The following NFIB variants were observed in gnomAD, a reference collection of about 807,000 sequenced individuals.
NFIB encodes nuclear factor 1 B-type.
Under a neutral mutation model 61.5 loss-of-function variants are expected in NFIB, and 11 were observed. The observed-to-expected ratio is 0.18, with a 90% CI of 0.11 to 0.30. The LOEUF is 0.30. Among genes scored for constraint, NFIB ranks in the 10% least tolerant of loss-of-function variants. The probability of loss-of-function intolerance (pLI) is 1.00; values close to 1 mark genes in which losing one functional copy is unlikely to be tolerated. For missense variants in NFIB, 471 were observed against 608.9 expected (o/e 0.77, Z 2.38); for synonymous variants, 260 against 216.5 (o/e 1.20, Z -1.76).
At chr9:14,471,407 T>G in the NFIB span, among the ~76,000 whole-genome samples, 38 of 152,332 alleles carry the variant, frequency 2.5e-4, no homozygotes, top group African/African-American at 8.4e-4. Context: ...GTGTACCACA[T>G]GTGGAATGCC....
upstream of NFIB, among the ~76,000 whole-genome samples, chr9:14,399,590 T>C (rs1018289505): frequency 3.9e-5 from 6 of 152,318 alleles, no homozygotes; most frequent in South Asian, 4.1e-4. Context: ...TAAATAATGA[T>C]TGATTTTGTC....
intron 1 of NFIB, among the ~76,000 whole-genome samples, chr9:14,382,105 AG>A (rs778359282): frequency 1.3e-5 from 2 of 152,176 alleles, no homozygotes; most frequent in Non-Finnish European, 2.9e-5. Flanking sequence ...AAGGTCCCTG[AG>A]GGCAGACAAA....
chr9:14,110,397 T>A (rs529152241), intron 10 of NFIB, among the ~76,000 whole-genome samples: 3 of 152,216 alleles, frequency 2.0e-5, no homozygotes, highest in African/African-American at 7.2e-5. Context: ...GGATCATGTA[T>A]ATTAAAGGCT....
intron 3 of NFIB, among the ~76,000 whole-genome samples, chr9:14,159,598 T>C (rs775245368): frequency 2.0e-4 from 30 of 152,180 alleles, no homozygotes; most frequent in Non-Finnish European, 3.4e-4. Flanking sequence ...ATAGCCTTTG[T>C]AACGGACAGG....
Position 14,182,806 on chromosome 9 carries a change from A to G in NFIB, c.563-3026T>C, listed in dbSNP as rs188915894. On this transcript the variant is annotated intron_variant, in intron 2 of 10. Transcript: ENST00000380953. ...CCTGGCTCTGTCCCTCACTAGTGAC[A>G]TGATCTTGTACAAAATTACTTACTC... 3.7e-3 allele frequency among the ~76,000 whole-genome samples: 552 copies of G among 150,286 alleles called. 2 individuals are homozygous for G. Among genetic ancestry groups the G allele is most frequent in the Admixed American group, 6.6e-3 (99 of 14,980 alleles).
At chr9:14,417,572 G>A in the NFIB span, among the ~76,000 whole-genome samples, 2 of 152,138 alleles carry the variant, frequency 1.3e-5, no homozygotes, top group African/African-American at 4.8e-5. Context: ...TCAGCACATG[G>A]TAACACCTCA....
At chr9:14,514,534 G>C in the NFIB span, among the ~76,000 whole-genome samples, 1 of 152,090 alleles carries the variant, frequency 6.6e-6, no homozygotes. Flanking sequence ...ACAAAGAAGG[G>C]AATCTTACCT....
At chr9:14,175,454 G>GT (rs1563865958) in intron 3 of NFIB, among the ~76,000 whole-genome samples, 2 of 152,040 alleles carry the variant, frequency 1.3e-5, no homozygotes, top group East Asian at 1.9e-4. Context: ...GATTACAGGC[G>GT]TAAGACACCA....
intron 2 of NFIB, among the ~76,000 whole-genome samples, chr9:14,243,813 A>AAAAT (rs2054597485): frequency 6.6e-6 from 1 of 152,204 alleles, no homozygotes; most frequent in African/African-American, 2.4e-5. Flanking sequence ...ATGTGGGAGT[A>AAAAT]AAATGACTGA....
chr9:14,510,678 C>T, the NFIB span, among the ~76,000 whole-genome samples: 2 of 152,010 alleles, frequency 1.3e-5, no homozygotes, highest in South Asian at 4.2e-4. Context: ...ATTTTTATTG[C>T]TTTCTTGTGT....
At chr9:14,299,078 G>A (rs888236487) in intron 2 of NFIB, among the ~76,000 whole-genome samples, 1 of 151,992 alleles carries the variant, frequency 6.6e-6, no homozygotes, top group Non-Finnish European at 1.5e-5. Context: ...CTAATAGAGG[G>A]GTATAGACTT....
chr9:14,329,878 C>CT (rs1248633458), intron 1 of NFIB, among the ~76,000 whole-genome samples: 1 of 151,754 alleles, frequency 6.6e-6, no homozygotes, highest in Non-Finnish European at 1.5e-5. Flanking sequence ...AATCCCAGCA[C>CT]TTTGGGAGGC....
At chr9:14,528,850 A>G in the NFIB span, among the ~76,000 whole-genome samples, 1 of 152,310 alleles carries the variant, frequency 6.6e-6, no homozygotes, top group Non-Finnish European at 1.5e-5. Flanking sequence ...CATCATCAAT[A>G]ACCATTAATG....
the NFIB span, among the ~76,000 whole-genome samples, chr9:14,503,114 A>ATG: frequency 2.7e-5 from 4 of 145,580 alleles, no homozygotes; most frequent in African/African-American, 1.0e-4. Context: ...ATATGTGTGT[A>ATG]TGTGTGTGTA....
chr9:14,477,634 G>C, the NFIB span, among the ~76,000 whole-genome samples: 5 of 152,110 alleles, frequency 3.3e-5, no homozygotes, highest in Admixed American at 2.6e-4. Flanking sequence ...CATGAGTTGG[G>C]CTGGTTCAGA....
intron 2 of NFIB, among the ~76,000 whole-genome samples, chr9:14,231,814 G>C (rs2053222117): frequency 6.6e-6 from 1 of 152,216 alleles, no homozygotes; most frequent in African/African-American, 2.4e-5. Context: ...TTTGCAAGCT[G>C]GCCGATTTTA....
chr9:14,269,203 C>T (rs753484950), intron 2 of NFIB, among the ~76,000 whole-genome samples: 1 of 152,166 alleles, frequency 6.6e-6, no homozygotes, highest in Non-Finnish European at 1.5e-5. Flanking sequence ...AATACCACAT[C>T]TCATTCTCTA....
At chr9:14,228,835 A>T (rs866784926) in intron 2 of NFIB, among the ~76,000 whole-genome samples, 50 of 152,304 alleles carry the variant, frequency 3.3e-4, no homozygotes, top group African/African-American at 1.1e-3. Context: ...AACCCAAACC[A>T]AAACTAATTT....
intron 2 of NFIB, among the ~76,000 whole-genome samples, chr9:14,214,558 A>G (rs1175103475): frequency 1.3e-5 from 2 of 152,192 alleles, no homozygotes; most frequent in African/African-American, 4.8e-5. Flanking sequence ...TCCTCTAAGA[A>G]ACTGCCATAC....
Sources: gnomAD v4.1 joint callset for allele counts (sites outside exome capture counted in the v4.1 genomes callset) on GRCh38, gnomAD v4.1.1 for gene constraint, MANE v1.5 for transcripts, NCBI Gene and HGNC (gene_info 2026-07-23, HGNC 2026-07-21) for gene names.